OSBPL10: variants seen among roughly 807,000 people sequenced by gnomAD.
OSBPL10 encodes oxysterol binding protein like 10.
OSBPL10 carries 49 observed loss-of-function variants against 81.7 expected under a neutral mutation model. The observed-to-expected ratio is 0.60, with a 90% confidence interval of 0.48 to 0.76. The LOEUF (loss-of-function observed/expected upper bound fraction) is 0.76, where lower values mean the gene tolerates loss of function less well. Among genes scored for constraint, OSBPL10 ranks in the 30% least tolerant of loss-of-function variants. OSBPL10 has a pLI of 0.00. For synonymous variants in OSBPL10, 419 were observed against 383.6 expected (o/e 1.09, Z -1.08); for missense variants, 923 against 987.8 (o/e 0.93, Z 0.88).
At chr3:31,715,448 C>A (rs1311659312) in intron 6 of OSBPL10, among the ~76,000 whole-genome samples, 1 of 152,152 alleles carries the variant, frequency 6.6e-6, no homozygotes, top group Non-Finnish European at 1.5e-5. Flanking sequence ...AGGAGCAATC[C>A]CTCCCTCCTC....
intron 1 of OSBPL10, among the ~76,000 whole-genome samples, chr3:31,902,469 T>C (rs1271442012): frequency 6.6e-6 from 1 of 151,912 alleles, no homozygotes; most frequent in Non-Finnish European, 1.5e-5. Flanking sequence ...CACCATGTTG[T>C]CCAGGCTGGT....
intron 2 of OSBPL10, among the ~76,000 whole-genome samples, chr3:32,011,120 T>C (rs1318880836): frequency 6.6e-6 from 1 of 152,186 alleles, no homozygotes; most frequent in Non-Finnish European, 1.5e-5. Context: ...CAGCTTGAGA[T>C]CTGAGAACAG....
chr3:31,671,502 G>T (rs967828241), intron 8 of OSBPL10, among the ~76,000 whole-genome samples: 12 of 152,106 alleles, frequency 7.9e-5, no homozygotes, highest in Non-Finnish European at 1.5e-4. Flanking sequence ...GTCAGCAGGG[G>T]TCAGACCTTG....
At chr3:31,781,058 T>C (rs1386549998) in intron 4 of OSBPL10, among the ~76,000 whole-genome samples, 1 of 151,954 alleles carries the variant, frequency 6.6e-6, no homozygotes, top group African/African-American at 2.4e-5. Context: ...GATGCTATAA[T>C]CCTCAACAAA....
chr3:31,979,955 A>AG (rs1201594897), intron 1 of OSBPL10, among the ~76,000 whole-genome samples: 4 of 151,752 alleles, frequency 2.6e-5, no homozygotes, highest in Non-Finnish European at 4.4e-5. Context: ...TAATATTAAA[A>AG]GGGGGAGGGT....
At chr3:31,870,810 G>A (rs534869633) in intron 3 of OSBPL10, among the ~76,000 whole-genome samples, 1 of 152,030 alleles carries the variant, frequency 6.6e-6, no homozygotes, top group Admixed American at 6.5e-5. Flanking sequence ...TCAGCACTCT[G>A]TATCTAGCTC....
chr3:31,985,760 C>T (rs1419158027), upstream of OSBPL10, among the ~76,000 whole-genome samples: 6 of 152,184 alleles, frequency 3.9e-5, no homozygotes, highest in Non-Finnish European at 8.8e-5. Context: ...TGTTGTACGT[C>T]CCAAATAATA....
chr3:31,729,292 C>G (rs1696894892), intron 6 of OSBPL10, among the ~76,000 whole-genome samples: 1 of 152,034 alleles, frequency 6.6e-6, no homozygotes, highest in Non-Finnish European at 1.5e-5. Context: ...GCCAAGAGCC[C>G]AACCAGTCAC....
intron 1 of OSBPL10, among the ~76,000 whole-genome samples, chr3:32,048,088 C>T (rs1699639088): frequency 1.3e-5 from 2 of 152,102 alleles, no homozygotes; most frequent in Admixed American, 1.3e-4. Context: ...TTTACCCAGC[C>T]CCTATTAAAG....
At chr3:31,684,727 C>G (rs1468525584) in intron 7 of OSBPL10, among the ~76,000 whole-genome samples, 1 of 152,346 alleles carries the variant, frequency 6.6e-6, no homozygotes, top group South Asian at 2.1e-4. Flanking sequence ...GGCCCATCAG[C>G]AGGCAAATAT....
Position 31,680,836 on chromosome 3 carries a change from C to T in OSBPL10, c.1726+2798G>A, listed in dbSNP as rs143226461. On this transcript the variant is annotated intron_variant, in intron 8 of 11. Coordinates refer to ENST00000396556, the MANE Select transcript of OSBPL10 (RefSeq NM_017784.5). The stretch of plus-strand genomic sequence containing the variant: ...ATGGTCCAGTCATCACTGGTAACAA[C>T]TCCTCTTTAAGAAGAGAGACCACTT... Among the ~76,000 whole-genome samples the T allele has an allele frequency of 5.1e-3, 772 of 152,300 alleles. 8 individuals are homozygous for T. The highest frequency in any genetic ancestry group is 0.01 in the Middle Eastern group (3 of 294).
intron 1 of OSBPL10, among the ~76,000 whole-genome samples, chr3:32,067,291 A>G (rs1208567605): frequency 6.6e-6 from 1 of 151,970 alleles, no homozygotes; most frequent in East Asian, 1.9e-4. Flanking sequence ...CCCAAGTGGG[A>G]CCCTTGGGAA....
chr3:31,686,106 C>T (rs1700786279), intron 7 of OSBPL10, among the ~76,000 whole-genome samples: 1 of 152,214 alleles, frequency 6.6e-6, no homozygotes, highest in East Asian at 1.9e-4. Flanking sequence ...TCTGCACACA[C>T]ACCCGCTCCC....
At chr3:31,751,917 T>C (rs1697734446) in intron 4 of OSBPL10, among the ~76,000 whole-genome samples, 1 of 152,144 alleles carries the variant, frequency 6.6e-6, no homozygotes. Flanking sequence ...TGCATCACAG[T>C]TATTACTGCT....
chr3:31,901,533 C>T (rs1226990683), intron 1 of OSBPL10, among the ~76,000 whole-genome samples: 1 of 152,184 alleles, frequency 6.6e-6, no homozygotes, highest in Non-Finnish European at 1.5e-5. Context: ...AAAGGCCTGC[C>T]CTTGAGCAAA....
chr3:32,011,572 T>C (rs1699260769), intron 2 of OSBPL10, among the ~76,000 whole-genome samples: 1 of 152,056 alleles, frequency 6.6e-6, no homozygotes, highest in South Asian at 2.1e-4. Context: ...TCACCAGCAA[T>C]GGAACAAAGC....
intron 1 of OSBPL10, among the ~76,000 whole-genome samples, chr3:31,895,584 T>C (rs1349305075): frequency 1.3e-5 from 2 of 152,172 alleles, no homozygotes; most frequent in Non-Finnish European, 1.5e-5. Flanking sequence ...TGTGATGGAC[T>C]CCAACTTTAT....
chr3:32,043,889 A>G (rs946768161), intron 2 of OSBPL10, among the ~76,000 whole-genome samples: 1 of 100,962 alleles, frequency 9.9e-6, no homozygotes, highest in Non-Finnish European at 2.3e-5. Flanking sequence ...AGATGGCAAC[A>G]ATAGACACTG....
At chr3:31,871,756 A>C (rs1701331676) in intron 3 of OSBPL10, among the ~76,000 whole-genome samples, 1 of 152,166 alleles carries the variant, frequency 6.6e-6, no homozygotes. Flanking sequence ...CCAGCTGCTC[A>C]GGAGGCTAAG....
Sources: gnomAD v4.1 joint callset for allele counts (sites outside exome capture counted in the v4.1 genomes callset) on GRCh38, gnomAD v4.1.1 for gene constraint, MANE v1.5 for transcripts, NCBI Gene and HGNC (gene_info 2026-07-23, HGNC 2026-07-21) for gene names.